Variants in UNC13A observed in about 807,000 individuals in gnomAD.
UNC13A encodes the protein protein unc-13 homolog A.
In UNC13A, 61 loss-of-function variants were observed where a neutral mutation model predicts 219.7. The observed-to-expected ratio is 0.28, with a 90% CI of 0.23 to 0.34. The LOEUF is 0.34. Ranked by LOEUF, UNC13A falls within the 10% of genes least tolerant of loss-of-function variation. UNC13A has a pLI of 1.00. For synonymous variants in UNC13A, 920 were observed against 884.6 expected, an observed-to-expected ratio of 1.04 and a Z score of -0.71; for missense variants, 1,476 against 2,270.3, an observed-to-expected ratio of 0.65 and a Z score of 7.11.
At chr19:17,620,756 G>A (rs371355538) in intron 37 of UNC13A, 34 bp from the exon 38 acceptor site, 20 of 1,611,376 alleles carry the variant, frequency 1.2e-5, no homozygotes, top group Non-Finnish European at 1.7e-5. Context: ...TCAGAGTTCT[G>A]GTGACTGTTG....
chr19:17,650,078 C>T (rs914353337), intron 12 of UNC13A, among the ~76,000 whole-genome samples: 6 of 152,262 alleles, frequency 3.9e-5, no homozygotes, highest in Admixed American at 2.6e-4. Flanking sequence ...TTAAGCTACC[C>T]GTCTGTGGTA....
chr19:17,628,298 G>A, intron 31 of UNC13A: 4 of 295,622 alleles, frequency 1.4e-5, no homozygotes, highest in South Asian at 9.0e-5. Context: ...GCCAGACAGT[G>A]ACACACTGAA....
In UNC13A at chr19:17,617,863, G is replaced by A; in HGVS notation, c.4411-14C>T. The A allele has an allele frequency of 6.2e-7, 1 of 1,613,460 alleles. No homozygotes were observed. The highest frequency in any genetic ancestry group is 8.5e-7 in the Non-Finnish European group (1 of 1,179,726). On this transcript the variant is annotated splice_polypyrimidine_tract_variant and intron_variant, in intron 40 of 43. Coordinates refer to ENST00000519716, the MANE Select transcript of UNC13A (RefSeq NM_001080421.3). ...GTGGAAATATTGCTGGGGAGGACAGGGTGGGGAGAGGTGAGGATGGTGGGA... is the reference window on the plus strand; with the variant it reads ...GTGGAAATATTGCTGGGGAGGACAGAGTGGGGAGAGGTGAGGATGGTGGGA...
chr19:17,682,304 G>A (rs2080034284), intron 1 of UNC13A, among the ~76,000 whole-genome samples: 1 of 152,140 alleles, frequency 6.6e-6, no homozygotes, highest in Non-Finnish European at 1.5e-5. Context: ...CCTTCCCGTA[G>A]GCCAGGAGTC....
rs1215082004 is a variant in UNC13A, at chr19:17,652,771, G to T, written c.1393-94C>A. 3 of 1,426,086 alleles carry T rather than the reference G, an allele frequency of 2.1e-6. No homozygotes were observed. The East Asian group carries it at 6.9e-5, about 33-fold the overall frequency. 88.3% of individuals were successfully genotyped at this position (1,426,086 alleles called of 1,614,324 possible). ...CACTTCTGACTCCCCTCTGGGCTGG[G>T]AGTCAGATGGCCTGGGTCCTAGTCC... is the stretch of plus-strand genomic sequence containing the variant. On this transcript the variant is annotated intron_variant, in intron 11 of 43. Coordinates refer to ENST00000519716, the MANE Select transcript of UNC13A (RefSeq NM_001080421.3).
At chr19:17,664,816 C>T (rs373448834) in intron 7 of UNC13A, among the ~76,000 whole-genome samples, 3 of 152,152 alleles carry the variant, frequency 2.0e-5, no homozygotes, top group Non-Finnish European at 2.9e-5. Context: ...TCCTCAACCC[C>T]GGTTCCATTA....
rs1048417072 is a variant in UNC13A, at chr19:17,606,428, G to A, written c.4812-74C>T. ...CCCCGCCCACGGCCCCGTCCCCACCGCATTTGCGGGCCACGCCCACACCGG... is the reference window on the plus strand; with the variant it reads ...CCCCGCCCACGGCCCCGTCCCCACCACATTTGCGGGCCACGCCCACACCGG... On this transcript the variant is annotated intron_variant, in intron 43 of 43. Transcript: ENST00000519716. 6 of 1,498,838 alleles carry A rather than the reference G, an allele frequency of 4.0e-6. No homozygotes were observed. The African/African-American group carries it at 8.4e-5, about 21-fold the overall frequency. The allele number at this position is 1,498,838 out of a possible 1,614,324, so 92.8% of individuals were successfully genotyped here.
intron 19 of UNC13A, among the ~76,000 whole-genome samples, chr19:17,645,094 C>G (rs985954655): frequency 6.7e-6 from 1 of 150,042 alleles, no homozygotes; most frequent in Non-Finnish European, 1.5e-5. Flanking sequence ...CTGCAACCTC[C>G]GCTTCCTGGG....
rs1271863716 is a variant in UNC13A, at chr19:17,639,521, T to C, written c.2861A>G (p.Asn954Ser). 4 of 1,612,668 alleles carry C rather than the reference T, an allele frequency of 2.5e-6. No homozygotes were observed. The South Asian group carries it at 4.4e-5, about 18-fold the overall frequency. Residue 954 changes from asparagine (N) to serine (S), a missense_variant, in exon 24 of 44, where the codon AAC (asparagine) becomes AGC (serine). Asn to Ser is a conservative substitution (Grantham distance 46). Around this residue, in one of 14 missense-constraint regions of UNC13A, gnomAD observed 140 missense variants for 270.9 expected, o/e 0.52. Coordinates refer to ENST00000519716, the MANE Select transcript of UNC13A (RefSeq NM_001080421.3). The stretch of plus-strand genomic sequence containing the variant: ...TCTCTCCGGGCTGCTGGCTGGGAAG[T>C]TATTCTGTTGGGAGCAGGAAGAGAT... ...LRIDLSMYRN[N>S]FPASSPERLQ... is the part of the protein sequence containing the mutation.
chr19:17,627,865 C>T lies in UNC13A; in HGVS notation c.3829G>A (p.Glu1277Lys), dbSNP rs1277971117. 3 of 1,601,282 alleles carry T rather than the reference C, an allele frequency of 1.9e-6. No homozygotes were observed. The highest frequency in any genetic ancestry group is 2.6e-6 in the Non-Finnish European group (3 of 1,173,030). ...EKMFEAMGGK[E>K]LDAEASDILK... The stretch of plus-strand genomic sequence containing the variant: ...GCCCTGCCTCGGCCCTGCCTCACCT[C>T]CTTTCCTCCCATGGCTTCGAACATC... Residue 1277 changes from glutamate to lysine, a missense_variant and splice_region_variant, in exon 32 of 44, where the codon GAG becomes AAG. Glu to Lys is a moderately conservative substitution (Grantham distance 56, BLOSUM62 1). This residue lies in a region of UNC13A where 218 missense variants were observed against 409.4 expected (regional missense o/e 0.53). Coordinates refer to ENST00000519716, the MANE Select transcript of UNC13A (RefSeq NM_001080421.3). This position sits in a 1 kb window ranked among gnomAD's most constrained non-coding sequence, Gnocchi z 4.7.
In UNC13A at chr19:17,656,043, T is replaced by C. The variant is rs774657330; in HGVS notation, c.1123A>G (p.Ile375Val). Residue 375 changes from isoleucine (I) to valine (V), a missense_variant, in exon 10 of 44, where the codon ATC (isoleucine) becomes GTC (valine). Around this residue, in one of 14 missense-constraint regions of UNC13A, gnomAD observed 351 missense variants for 342.6 expected, o/e 1.02. Coordinates refer to ENST00000519716, the MANE Select transcript of UNC13A (RefSeq NM_001080421.3). ...AVAEPKDFKR[I>V]SLPPAAPGKE... ...CCTGGGGCAGCTGGCGGGAGGCTGATGCGTTTGAAGTCTTTGGGCTCAGCC... is the reference window on the plus strand; with the variant it reads ...CCTGGGGCAGCTGGCGGGAGGCTGACGCGTTTGAAGTCTTTGGGCTCAGCC... 51 of 1,561,744 alleles carry C rather than the reference T, an allele frequency of 3.3e-5. No homozygotes were observed. In the South Asian group the frequency reaches 6.0e-4, roughly 18 times the overall value.
In UNC13A at chr19:17,605,685, GC is replaced by G. The variant is rs1428843323; in HGVS notation, c.*368del. ...CCAGGGGTCTGGGTCCCATCTTATG[GC>G]TTTTCCAGGGGACATGAGGTGGTGC... On this transcript the variant is annotated 3_prime_UTR_variant, in exon 44 of 44. Coordinates refer to ENST00000519716, the MANE Select transcript of UNC13A (RefSeq NM_001080421.3). The G allele has an allele frequency of 4.8e-6, 1 of 206,558 alleles. No homozygotes were observed. 12.8% of individuals were successfully genotyped at this position (206,558 alleles called of 1,614,324 possible). A position where few individuals can be genotyped will look rare whatever the true frequency, so the allele number is the denominator to read the frequency against.
At chr19:17,641,617 C>T (rs1168828469) in intron 20 of UNC13A, 61 bp from the exon 21 acceptor site, 6 of 1,569,370 alleles carry the variant, frequency 3.8e-6, no homozygotes, top group Non-Finnish European at 5.2e-6. Context: ...GGTCAGAGGT[C>T]CCAGGGTCTG....
intron 7 of UNC13A, among the ~76,000 whole-genome samples, chr19:17,665,682 A>G (rs7247320): frequency 0.24 from 37,193 of 151,868 alleles, 5,258 homozygotes; most frequent in African/African-American, 0.39. Flanking sequence ...ACGTGCGCCC[A>G]TTGTACATGT....
Position 17,640,510 on chromosome 19 carries a change from C to T in UNC13A, c.2787+1G>A, listed in dbSNP as rs1302207265. On this transcript the variant is annotated splice_donor_variant, in intron 22 of 43. Transcript: ENST00000519716. LOFTEE classifies it high-confidence loss of function. ...CTCCAATCCCAGTCCCCAGGACTGA[C>T]CCCAAAGTTGGAGGCGGCGAAGCGG... 1 of 1,548,762 alleles carries T rather than the reference C, an allele frequency of 6.5e-7. No homozygotes were observed. The highest frequency in any genetic ancestry group is 8.7e-7 in the Non-Finnish European group (1 of 1,146,536).
chr19:17,624,788 A>G (rs1318709744), intron 35 of UNC13A, 41 bp downstream of exon 35: 2 of 1,587,294 alleles, frequency 1.3e-6, no homozygotes, highest in African/African-American at 2.7e-5. Flanking sequence ...CTCGCCAGGG[A>G]GGTGGCCTAA....
At chr19:17,681,951 ATTTTTTT>A (rs397859270) in intron 1 of UNC13A, among the ~76,000 whole-genome samples, 18 of 132,952 alleles carry the variant, frequency 1.4e-4, no homozygotes, top group African/African-American at 1.6e-4. Context: ...ATCATCATTG[ATTTTTTT>A]TTTTTTTTTT....
chr19:17,643,508 G>A (rs36108613), intron 19 of UNC13A, among the ~76,000 whole-genome samples: 61,767 of 150,174 alleles, frequency 0.41, 12,822 homozygotes, highest in Non-Finnish European at 0.46. Context: ...TAGTAGAGAC[G>A]AGGTTTCACC....
chr19:17,629,345 G>T lies in UNC13A; in HGVS notation c.3670-22C>A, dbSNP rs745660926. On this transcript the variant is annotated intron_variant, in intron 30 of 43. Transcript: ENST00000519716. ...TGGTCTGGGGAAGACACAGAGTGTG[G>T]GTGAGAGGAGAGGCTGGCACCAAGG... 3 of 1,598,066 alleles carry T rather than the reference G, an allele frequency of 1.9e-6. No homozygotes were observed. In the Admixed American group the frequency reaches 5.2e-5, roughly 28 times the overall value.
Sources: allele counts gnomAD v4.1 joint callset (sites outside exome capture counted in the v4.1 genomes callset), GRCh38; gene constraint gnomAD v4.1.1; regional missense constraint gnomAD v4.1.1; non-coding constraint Gnocchi (gnomAD v3.1); transcripts MANE v1.5; gene names NCBI Gene and HGNC (gene_info 2026-07-23, HGNC 2026-07-21).